SH3RF3: variants seen among roughly 807,000 people sequenced by gnomAD.
SH3RF3 encodes SH3 domain containing ring finger 3.
A neutral mutation model predicts 66.3 loss-of-function variants in SH3RF3; 29 were observed. The ratio of observed to expected loss-of-function variants is 0.44; its 90% CI spans 0.33 to 0.60. The LOEUF is 0.60. Among genes scored for constraint, SH3RF3 ranks in the 20% least tolerant of loss-of-function variants. The probability of loss-of-function intolerance (pLI) is 0.04; values close to 1 mark genes in which losing one functional copy is unlikely to be tolerated. For synonymous variants in SH3RF3, 583 were observed against 532.0 expected, an observed-to-expected ratio of 1.10 and a Z score of -1.32; for missense variants, 1,194 against 1,190.9, an observed-to-expected ratio of 1.00 and a Z score of -0.04.
chr2:109,200,407 C>T (rs1678642032), intron 1 of SH3RF3, among the ~76,000 whole-genome samples: 1 of 152,160 alleles, frequency 6.6e-6, no homozygotes, highest in Admixed American at 6.5e-5. Context: ...TTCTCTCTTT[C>T]CCTCCATCTC....
At chr2:109,334,760 C>T (rs1574579980) in intron 1 of SH3RF3, among the ~76,000 whole-genome samples, 2 of 142,902 alleles carry the variant, frequency 1.4e-5, no homozygotes, top group East Asian at 4.0e-4. Flanking sequence ...ACAGAGGCTG[C>T]TGAAGGAGTT....
intron 1 of SH3RF3, among the ~76,000 whole-genome samples, chr2:109,308,214 A>G (rs1408592804): frequency 3.1e-5 from 4 of 130,584 alleles, no homozygotes; most frequent in Non-Finnish European, 6.2e-5. Context: ...GGCTGCATAA[A>G]TGTCTTCTTT....
intron 3 of SH3RF3, among the ~76,000 whole-genome samples, chr2:109,386,861 C>T (rs1273427415): frequency 2.0e-5 from 3 of 152,204 alleles, no homozygotes; most frequent in African/African-American, 7.2e-5. Flanking sequence ...TAGGGCACCT[C>T]ACGCTTTGTA....
intron 7 of SH3RF3, among the ~76,000 whole-genome samples, chr2:109,442,408 A>G (rs960135306): frequency 6.6e-6 from 1 of 152,152 alleles, no homozygotes; most frequent in Non-Finnish European, 1.5e-5. Flanking sequence ...ATGAAGATCT[A>G]TACAAAGGAA....
chr2:109,423,790 C>T (rs745526378), intron 5 of SH3RF3, among the ~76,000 whole-genome samples: 5 of 152,106 alleles, frequency 3.3e-5, no homozygotes, highest in Non-Finnish European at 5.9e-5. Flanking sequence ...CAGACAGATG[C>T]GACCAAGAAT....
intron 5 of SH3RF3, among the ~76,000 whole-genome samples, chr2:109,421,639 C>T (rs191779099): frequency 2.0e-5 from 3 of 152,350 alleles, no homozygotes; most frequent in African/African-American, 7.2e-5. Flanking sequence ...AGCTCTCCAC[C>T]TTCTCCCTCT....
chr2:109,165,582 A>G (rs1204501356), intron 1 of SH3RF3, among the ~76,000 whole-genome samples: 1 of 152,118 alleles, frequency 6.6e-6, no homozygotes, highest in African/African-American at 2.4e-5. Context: ...CAAAACCCAG[A>G]ACATTTTGAC....
intron 1 of SH3RF3, among the ~76,000 whole-genome samples, chr2:109,205,240 A>T (rs1222808484): frequency 6.6e-6 from 1 of 151,654 alleles, no homozygotes; most frequent in East Asian, 1.9e-4. Flanking sequence ...AAGATAAAAA[A>T]AATTAGAGCA....
At chr2:109,348,087 A>G in intron 2 of SH3RF3, 138 bp downstream of exon 2, 19 of 1,224,026 alleles carry the variant, frequency 1.6e-5, no homozygotes, top group Non-Finnish European at 2.1e-5. Flanking sequence ...CCCTGGGCAA[A>G]TGACCCAGCC....
intron 4 of SH3RF3, among the ~76,000 whole-genome samples, chr2:109,399,973 A>AT (rs1324471721): frequency 6.6e-6 from 1 of 152,196 alleles, no homozygotes; most frequent in Non-Finnish European, 1.5e-5. Context: ...CACGCTCCAC[A>AT]TTCCTTCCAG....
At chr2:109,136,850 C>T (rs1676826425) in intron 1 of SH3RF3, among the ~76,000 whole-genome samples, 1 of 152,130 alleles carries the variant, frequency 6.6e-6, no homozygotes, top group Non-Finnish European at 1.5e-5. Context: ...CACCGGGGCA[C>T]CTGTAAATGT....
At chr2:109,254,903 A>G (rs987579006) in intron 1 of SH3RF3, among the ~76,000 whole-genome samples, 1 of 152,174 alleles carries the variant, frequency 6.6e-6, no homozygotes, top group Non-Finnish European at 1.5e-5. Flanking sequence ...AGTACGCTCC[A>G]TGTGACCCAC....
At chr2:109,164,489 T>A (rs1677567573) in intron 1 of SH3RF3, among the ~76,000 whole-genome samples, 1 of 152,340 alleles carries the variant, frequency 6.6e-6, no homozygotes, top group African/African-American at 2.4e-5. Flanking sequence ...TGGCCCTATT[T>A]AATTTTATTT....
intron 1 of SH3RF3, among the ~76,000 whole-genome samples, chr2:109,221,895 T>C (rs747026022): frequency 1.4e-4 from 21 of 152,046 alleles, no homozygotes; most frequent in Admixed American, 9.2e-4. Context: ...ATCAAAGGGA[T>C]ACCTGCACCC....
intron 7 of SH3RF3, among the ~76,000 whole-genome samples, chr2:109,445,718 C>T (rs1677684452): frequency 6.6e-6 from 1 of 151,778 alleles, no homozygotes; most frequent in Non-Finnish European, 1.5e-5. Context: ...GACCCAGAGT[C>T]CTTGTGACTG....
chr2:109,322,914 CTTTTCCCTG>C (rs889468206), intron 1 of SH3RF3, among the ~76,000 whole-genome samples: 5 of 152,180 alleles, frequency 3.3e-5, no homozygotes, highest in African/African-American at 1.2e-4. Context: ...CAAGAGGTGG[CTTTTCCCTG>C]GCTAGATTGG....
chr2:109,485,721 G>A (rs1676111528), intron 8 of SH3RF3, among the ~76,000 whole-genome samples: 1 of 152,282 alleles, frequency 6.6e-6, no homozygotes, highest in South Asian at 2.1e-4. Flanking sequence ...GTGTGTGACT[G>A]TGAGTGTGTA....
chr2:109,468,726 C>G (rs1276264211), intron 8 of SH3RF3, among the ~76,000 whole-genome samples: 2 of 151,596 alleles, frequency 1.3e-5, no homozygotes, highest in African/African-American at 4.9e-5. Context: ...TGGTGGCGGG[C>G]ACCTGTAATC....
chr2:109,135,755 A>T (rs916608537), intron 1 of SH3RF3, among the ~76,000 whole-genome samples: 4 of 152,198 alleles, frequency 2.6e-5, no homozygotes, highest in Admixed American at 2.0e-4. Context: ...ATCGTCAAGC[A>T]TTACTGGGCA....
Sources: gnomAD v4.1 joint callset for allele counts (sites outside exome capture counted in the v4.1 genomes callset) on GRCh38, gnomAD v4.1.1 for gene constraint, MANE v1.5 for transcripts, NCBI Gene and HGNC (gene_info 2026-07-23, HGNC 2026-07-21) for gene names.